Variants in SC5D observed in about 807,000 individuals in gnomAD.
The protein encoded by SC5D is lathosterol oxidase.
In SC5D, 21 loss-of-function variants were observed where a neutral mutation model predicts 23.9. That is an observed-to-expected ratio of 0.88 (90% CI 0.62 to 1.26). SC5D has a LOEUF of 1.26. Ranked by LOEUF, SC5D falls within the 50% of genes most tolerant of loss-of-function variation. The probability of loss-of-function intolerance (pLI) is 0.00; values close to 1 mark genes in which losing one functional copy is unlikely to be tolerated. For synonymous variants in SC5D, 113 were observed against 125.9 expected (o/e 0.90, Z 0.68); for missense variants, 309 against 364.8 (o/e 0.85, Z 1.25).
At chr11:121,293,833 A>G (rs1170410580) in intron 1 of SC5D, among the ~76,000 whole-genome samples, 23 of 152,236 alleles carry the variant, frequency 1.5e-4, no homozygotes, top group Admixed American at 1.5e-3. Flanking sequence ...TCATCTGCAT[A>G]TAAAACATCT....
At chr11:121,297,594 A>C (rs1947898325) in intron 1 of SC5D, among the ~76,000 whole-genome samples, 1 of 152,218 alleles carries the variant, frequency 6.6e-6, no homozygotes, top group African/African-American at 2.4e-5. Context: ...TTAACGTGGC[A>C]GTGTGGGAAC....
Position 121,306,492 on chromosome 11 carries a change from G to T in SC5D, c.444+6G>T, listed in dbSNP as rs775313152. On this transcript the variant is annotated splice_donor_region_variant and intron_variant, in intron 4 of 4. Coordinates refer to ENST00000264027, the MANE Select transcript of SC5D (RefSeq NM_006918.5). ...ATCATAGACTGGTATATAAGGTAAA[G>T]TCATTTGTGGTGAAAAGAGAAAAAA... The T allele has an allele frequency of 3.1e-6, 4 of 1,273,256 alleles. No homozygotes were observed. The highest frequency in any genetic ancestry group is 4.6e-6 in the Non-Finnish European group (4 of 868,978). 78.9% of individuals were successfully genotyped at this position (1,273,256 alleles called of 1,614,324 possible). A position where few individuals can be genotyped will look rare whatever the true frequency, so the allele number is the denominator to read the frequency against.
In SC5D at chr11:121,309,326, G is replaced by T. The variant is rs958600075; in HGVS notation, c.*1814G>T. Among the ~76,000 whole-genome samples, 3 of 152,184 alleles carry T rather than the reference G, an allele frequency of 2.0e-5. No homozygotes were observed. The highest frequency in any genetic ancestry group is 4.4e-5 in the Non-Finnish European group (3 of 68,032). ...TGTTTCTGGGTCAGGCCTGGAAGTGGTGCATATCTCTTCCGCCCATGTTCC... is the reference window on the plus strand; with the variant it reads ...TGTTTCTGGGTCAGGCCTGGAAGTGTTGCATATCTCTTCCGCCCATGTTCC... On this transcript the variant is annotated 3_prime_UTR_variant, in exon 5 of 5. Coordinates refer to ENST00000264027, the MANE Select transcript of SC5D (RefSeq NM_006918.5).
rs1947987156 is a variant in SC5D at position 121,308,719 on chromosome 11, G to C, written c.*1207G>C. 1 of 152,670 alleles carries C rather than the reference G, an allele frequency of 6.6e-6. No individual in the cohort carries two copies. Among genetic ancestry groups the C allele is most frequent in the African/African-American group, 2.4e-5 (1 of 41,470 alleles). The allele number at this position is 152,670 out of a possible 1,614,324, so 9.5% of individuals were successfully genotyped here. A position where few individuals can be genotyped will look rare whatever the true frequency, so the allele number is the denominator to read the frequency against. ...TGAAGCCACAGAAATGATGTGGATTGTTAATTGTGTTTTAGAACATCCCCG... is the reference window on the plus strand; with the variant it reads ...TGAAGCCACAGAAATGATGTGGATTCTTAATTGTGTTTTAGAACATCCCCG... On this transcript the variant is annotated 3_prime_UTR_variant, in exon 5 of 5. Transcript: ENST00000264027.
At position 121,307,691 on chromosome 11, in the gene SC5D, C is replaced by T; in HGVS notation, c.*179C>T. 1.8e-6 allele frequency: 1 copy of T among 559,204 alleles called. No homozygotes were observed. The highest frequency in any genetic ancestry group is 4.7e-4 in the Middle Eastern group (1 of 2,126). 34.6% of individuals were successfully genotyped at this position (559,204 alleles called of 1,614,324 possible). On this transcript the variant is annotated 3_prime_UTR_variant, in exon 5 of 5. Coordinates refer to ENST00000264027, the MANE Select transcript of SC5D (RefSeq NM_006918.5). ...CCTAGTGGTAGGTCAGAAGAAGATG[C>T]TGTGAACACCAGGACTTTAATCTTA...
intron 4 of SC5D, 92 bp downstream of exon 4, chr11:121,306,578 C>G (rs1849343705): frequency 1.3e-6 from 1 of 748,970 alleles, no homozygotes; most frequent in Non-Finnish European, 2.4e-6. Context: ...AGAATTTCCT[C>G]TACCCATATT....
intron 1 of SC5D, among the ~76,000 whole-genome samples, chr11:121,298,300 A>G (rs962907575): frequency 6.6e-6 from 1 of 152,194 alleles, no homozygotes; most frequent in Non-Finnish European, 1.5e-5. Context: ...ACCAGAATAC[A>G]ATCTTTTTCT....
intron 1 of SC5D, among the ~76,000 whole-genome samples, chr11:121,295,261 C>T (rs911869540): frequency 1.3e-5 from 2 of 152,182 alleles, no homozygotes; most frequent in East Asian, 3.8e-4. Context: ...TGCTTTTATA[C>T]ATTTTAGGGA....
At chr11:121,297,527 G>A (rs772599058) in intron 1 of SC5D, among the ~76,000 whole-genome samples, 3 of 152,180 alleles carry the variant, frequency 2.0e-5, no homozygotes, top group Non-Finnish European at 4.4e-5. Flanking sequence ...TGCCCATTGT[G>A]TCTTGGCACA....
intron 3 of SC5D, 66 bp from the exon 4 acceptor site, chr11:121,306,320 G>A: frequency 1.2e-6 from 1 of 802,238 alleles, no homozygotes; most frequent in Non-Finnish European, 2.2e-6. Flanking sequence ...AGATGGACAT[G>A]TGAAAAGTGA....
chr11:121,293,407 C>T (rs1482959809), intron 1 of SC5D, among the ~76,000 whole-genome samples: 2 of 152,172 alleles, frequency 1.3e-5, no homozygotes, highest in African/African-American at 4.8e-5. Context: ...TGGTCGGTAT[C>T]AGAACTCCTG....
In SC5D at chr11:121,311,660, A is replaced by G. The variant is rs1948011764; in HGVS notation, c.*4148A>G. 6.6e-6 allele frequency among the ~76,000 whole-genome samples: 1 copy of G among 152,234 alleles called. No homozygotes were observed. The highest frequency in any genetic ancestry group is 1.5e-5 in the Non-Finnish European group (1 of 68,028). The stretch of plus-strand genomic sequence containing the variant: ...TATAACTTCATCTCAGAGGAACAGG[A>G]ACTTTGGAGATAAACAGGGCTCTGC... On this transcript the variant is annotated 3_prime_UTR_variant, in exon 5 of 5. Coordinates refer to ENST00000264027, the MANE Select transcript of SC5D (RefSeq NM_006918.5).
At chr11:121,294,122 C>T (rs559888041) in intron 1 of SC5D, among the ~76,000 whole-genome samples, 5 of 152,338 alleles carry the variant, frequency 3.3e-5, no homozygotes, top group African/African-American at 9.6e-5. Flanking sequence ...CTGAGTTGTT[C>T]TAAGCCTAAT....
At chr11:121,293,972 T>A (rs1026335536) in intron 1 of SC5D, among the ~76,000 whole-genome samples, 3 of 152,182 alleles carry the variant, frequency 2.0e-5, no homozygotes, top group African/African-American at 4.8e-5. Flanking sequence ...TCCCTATCTA[T>A]AAAGTGGGGA....
chr11:121,298,330 G>A (rs1487333008), intron 1 of SC5D, among the ~76,000 whole-genome samples: 1 of 152,120 alleles, frequency 6.6e-6, no homozygotes. Context: ...GCTACACTCT[G>A]GGAAAAAGCA....
At chr11:121,303,619 A>T (rs184437386) in intron 2 of SC5D, 34 bp downstream of exon 2, 1 of 1,470,402 alleles carries the variant, frequency 6.8e-7, no homozygotes, top group Non-Finnish European at 9.5e-7. Context: ...TCTAACGATT[A>T]AAGTAAAAAT....
intron 1 of SC5D, among the ~76,000 whole-genome samples, chr11:121,299,141 A>G (rs1189448362): frequency 6.6e-6 from 1 of 152,246 alleles, no homozygotes; most frequent in East Asian, 1.9e-4. Context: ...TGGGAAGATC[A>G]CTGAAGGCAT....
At chr11:121,305,495 G>C (rs572636570) in intron 3 of SC5D, 2 of 151,962 alleles carry the variant, frequency 1.3e-5, no homozygotes, top group Non-Finnish European at 2.9e-5. Flanking sequence ...TTGGGAGACC[G>C]AGGTAGGAGG....
rs1947988586 is a variant in SC5D, at chr11:121,308,905, CATCTT to C, written c.*1396_*1400del. 6.6e-6 allele frequency among the ~76,000 whole-genome samples: 1 copy of C among 152,220 alleles called. No individual in the cohort carries two copies. Among genetic ancestry groups the C allele is most frequent in the Non-Finnish European group, 1.5e-5 (1 of 68,044 alleles). On this transcript the variant is annotated 3_prime_UTR_variant, in exon 5 of 5. Coordinates refer to ENST00000264027, the MANE Select transcript of SC5D (RefSeq NM_006918.5). ...AATCTGTGAGTTATTGTCACAATGT[CATCTT>C]ATTTAAATGTACCAATTAGCATTTT...
Sources: gnomAD v4.1 joint callset for allele counts (sites outside exome capture counted in the v4.1 genomes callset) on GRCh38, gnomAD v4.1.1 for gene constraint, MANE v1.5 for transcripts, NCBI Gene and HGNC (gene_info 2026-07-23, HGNC 2026-07-21) for gene names.